Variants in LRRC7 observed in about 807,000 individuals in gnomAD.
LRRC7 encodes leucine-rich repeat-containing protein 7.
In LRRC7, 23 loss-of-function variants were observed where a neutral mutation model predicts 175.7. The observed-to-expected ratio is 0.13, with a 90% CI of 0.09 to 0.19. LRRC7 has a LOEUF of 0.19. Ranked by LOEUF, LRRC7 falls within the 10% of genes least tolerant of loss-of-function variation. The pLI, the probability that LRRC7 is intolerant of heterozygous loss-of-function variation, is 1.00. For synonymous variants in LRRC7, 685 were observed against 680.9 expected (o/e 1.01, Z -0.09); for missense variants, 1,354 against 1,904.7 (o/e 0.71, Z 5.38).
intron 10 of LRRC7, among the ~76,000 whole-genome samples, chr1:69,991,279 C>T (rs537269340): frequency 6.6e-6 from 1 of 152,086 alleles, no homozygotes; most frequent in Admixed American, 6.5e-5. Context: ...CTGAAGAAGT[C>T]AGCATGTAAT....
chr1:69,930,342 C>T (rs1647252626), intron 7 of LRRC7, among the ~76,000 whole-genome samples: 1 of 152,088 alleles, frequency 6.6e-6, no homozygotes, highest in Non-Finnish European at 1.5e-5. Context: ...AGTAATATTT[C>T]ATTTAAGGTT....
intron 8 of LRRC7, among the ~76,000 whole-genome samples, chr1:69,947,793 A>G (rs189967924): frequency 2.0e-5 from 3 of 152,260 alleles, no homozygotes; most frequent in East Asian, 3.9e-4. Flanking sequence ...TTTTACATAT[A>G]CATACCTATG....
rs558081387 is a variant in LRRC7 at position 69,829,348 on chromosome 1, T to G, written c.500+3522T>G. On this transcript the variant is annotated intron_variant, in intron 5 of 26. Coordinates refer to ENST00000651989, the MANE Select transcript of LRRC7 (RefSeq NM_001370785.2). ...TCTATCTTTGTTGTAGTTTTTTAAC[T>G]GATATATATAGATGTACATTTTGGG... Among the ~76,000 whole-genome samples the G allele has an allele frequency of 2.0e-5, 3 of 152,056 alleles. No homozygotes were observed. In the South Asian group the frequency reaches 6.2e-4, roughly 31 times the overall value.
At chr1:69,576,221 C>T (rs1318930256) in intron 1 of LRRC7, among the ~76,000 whole-genome samples, 1 of 78,560 alleles carries the variant, frequency 1.3e-5, no homozygotes, top group Non-Finnish European at 2.5e-5. Flanking sequence ...GACAGAGTGA[C>T]ACTCTGAAAA....
intron 17 of LRRC7, among the ~76,000 whole-genome samples, 164 bp from the exon 18 acceptor site, chr1:70,028,007 G>A (rs1658307082): frequency 6.6e-6 from 1 of 152,076 alleles, no homozygotes; most frequent in South Asian, 2.1e-4. Flanking sequence ...CCAGAAGGCT[G>A]AATATGAGAA....
rs569055110 is a variant in LRRC7 at position 69,575,994 on chromosome 1, G to A, written c.2+7353G>A. ...GTGACTGTAATCCAGCACTTTGGGA[G>A]GTTGAGGTGGGGTGATTGTTTGAGT... On this transcript the variant is annotated intron_variant, in intron 1 of 26. Transcript: ENST00000651989. Among the ~76,000 whole-genome samples the A allele has an allele frequency of 1.1e-3, 167 of 152,142 alleles. 1 individual carries two copies. The highest frequency in any genetic ancestry group is 3.9e-3 in the African/African-American group (161 of 41,496).
intron 1 of LRRC7, among the ~76,000 whole-genome samples, chr1:69,668,075 T>G (rs909439499): frequency 2.0e-5 from 3 of 152,150 alleles, no homozygotes; most frequent in Non-Finnish European, 4.4e-5. Context: ...CAAAAACAAA[T>G]GAGCACAAAG....
chr1:69,658,995 G>A (rs907225246), intron 1 of LRRC7, among the ~76,000 whole-genome samples: 1 of 152,018 alleles, frequency 6.6e-6, no homozygotes, highest in Non-Finnish European at 1.5e-5. Flanking sequence ...ACAAGAAATT[G>A]GAGGTAGCTG....
intron 1 of LRRC7, among the ~76,000 whole-genome samples, chr1:69,606,675 A>C (rs149333670): frequency 1.6e-4 from 24 of 152,204 alleles, no homozygotes; most frequent in African/African-American, 2.4e-4. Flanking sequence ...TATACTTTTG[A>C]TGAAGTGTTC....
chr1:69,808,432 T>C (rs907860825), intron 4 of LRRC7, among the ~76,000 whole-genome samples: 1 of 151,904 alleles, frequency 6.6e-6, no homozygotes, highest in Non-Finnish European at 1.5e-5. Context: ...TCTACAGAAC[T>C]CTCCACCCCA....
chr1:69,619,290 A>G (rs1359785935), intron 1 of LRRC7, among the ~76,000 whole-genome samples: 1 of 152,316 alleles, frequency 6.6e-6, no homozygotes, highest in East Asian at 1.9e-4. Context: ...TGGCACTGAT[A>G]ATAAAAAATC....
intron 4 of LRRC7, among the ~76,000 whole-genome samples, chr1:69,803,512 G>C (rs1452807864): frequency 6.6e-6 from 1 of 151,272 alleles, no homozygotes; most frequent in Non-Finnish European, 1.5e-5. Context: ...TTTACAAATT[G>C]TATCACTTTT....
intron 2 of LRRC7, among the ~76,000 whole-genome samples, chr1:69,717,913 AAG>A (rs1392188010): frequency 2.4e-5 from 2 of 82,182 alleles, no homozygotes; most frequent in African/African-American, 5.7e-5. Flanking sequence ...GAGGGAGAGA[AAG>A]AGAGAAAAAA....
chr1:69,689,913 A>G (rs1661624568), intron 2 of LRRC7, among the ~76,000 whole-genome samples: 1 of 152,234 alleles, frequency 6.6e-6, no homozygotes. Flanking sequence ...TAATATAAAA[A>G]TAAGATTAAA....
intron 4 of LRRC7, among the ~76,000 whole-genome samples, chr1:69,816,224 C>T (rs1406110094): frequency 2.0e-5 from 3 of 152,174 alleles, no homozygotes; most frequent in South Asian, 2.1e-4. Context: ...GCAATCCGCC[C>T]GCCTCAGCCT....
intron 1 of LRRC7, among the ~76,000 whole-genome samples, chr1:69,658,514 G>A (rs1656979151): frequency 6.6e-6 from 1 of 151,962 alleles, no homozygotes; most frequent in Non-Finnish European, 1.5e-5. Context: ...AGAATTGAAG[G>A]TAGATTTAAC....
intron 18 of LRRC7, among the ~76,000 whole-genome samples, chr1:70,030,450 C>G (rs142260583): frequency 1.3e-5 from 2 of 152,326 alleles, no homozygotes; most frequent in East Asian, 3.9e-4. Context: ...CAAAGAGGAA[C>G]TGTTGCTTTC....
chr1:69,893,620 T>C (rs1645898296), intron 7 of LRRC7, among the ~76,000 whole-genome samples: 1 of 152,236 alleles, frequency 6.6e-6, no homozygotes, highest in Admixed American at 6.5e-5. Context: ...ATGTAAATTA[T>C]TTCCTACAAT....
chr1:69,618,338 A>G (rs1017730058), intron 1 of LRRC7, among the ~76,000 whole-genome samples: 1 of 152,152 alleles, frequency 6.6e-6, no homozygotes, highest in East Asian at 1.9e-4. Context: ...TTCTTTGGCC[A>G]TACAGTTTCC....
Sources: gnomAD v4.1 joint callset for allele counts (sites outside exome capture counted in the v4.1 genomes callset) on GRCh38, gnomAD v4.1.1 for gene constraint, MANE v1.5 for transcripts, NCBI Gene and HGNC (gene_info 2026-07-23, HGNC 2026-07-21) for gene names.